Variants in FAAH2 observed in about 807,000 individuals in gnomAD.
FAAH2 encodes the protein fatty-acid amide hydrolase 2.
In FAAH2, 60 loss-of-function variants were observed where a neutral mutation model predicts 36.9. That is an observed-to-expected ratio of 1.63 (90% CI 1.32 to 2.02). The LOEUF is 2.02. Ranked by LOEUF, FAAH2 falls within the 30% of genes most tolerant of loss-of-function variation. FAAH2 has a pLI of 0.00. For synonymous variants in FAAH2, 214 were observed against 143.8 expected (o/e 1.49, Z -3.49); for missense variants, 689 against 397.5 (o/e 1.73, Z -6.23).
the FAAH2 span, among the ~76,000 whole-genome samples, chrX:57,167,930 C>A: frequency 9.0e-6 from 1 of 111,076 alleles, no homozygotes; most frequent in Non-Finnish European, 1.9e-5. Context: ...ATGTTCTGGG[C>A]AGACCTTTTC....
intron 7 of FAAH2, among the ~76,000 whole-genome samples, chrX:57,415,192 G>C (rs796730196): frequency 5.5e-5 from 6 of 109,347 alleles, no homozygotes; most frequent in African/African-American, 1.7e-4. Flanking sequence ...TCCTGGATTC[G>C]TTGATTTTTC....
rs1569283724 is a variant in FAAH2 at position 57,352,043 on chromosome X, TATATGTGTATATATATATATATAC to T, written c.742+10655_742+10678del. On this transcript the variant is annotated intron_variant, in intron 5 of 10. Transcript: ENST00000374900. ...GTGTATATATATATATATACATATATATATGTGTATATATATATATATACACATATATATATGTGTATATATATG... is the reference window on the plus strand; with the variant it reads ...GTGTATATATATATATATACATATATACATATATATATGTGTATATATATG... 8.4e-3 allele frequency among the ~76,000 whole-genome samples: 161 copies of T among 19,256 alleles called. 30 individuals carry two copies. Among genetic ancestry groups the T allele is most frequent in the African/African-American group, 0.011 (73 of 6,626 alleles). The allele number at this position is 19,256 out of a possible 115,157, so 16.7% of individuals were successfully genotyped here.
the FAAH2 span, among the ~76,000 whole-genome samples, chrX:57,244,215 G>T: frequency 0.071 from 7,720 of 109,382 alleles, 687 homozygotes; most frequent in African/African-American, 0.25. Flanking sequence ...AAAAAGAAAC[G>T]AACAAAGTTT....
At chrX:57,214,495 C>T in the FAAH2 span, among the ~76,000 whole-genome samples, 2 of 111,255 alleles carry the variant, frequency 1.8e-5, no homozygotes, top group Admixed American at 1.9e-4. Context: ...GGTGCGATCT[C>T]AGCTCACTGC....
chrX:57,267,465 T>C, the FAAH2 span, among the ~76,000 whole-genome samples: 1 of 112,585 alleles, frequency 8.9e-6, no homozygotes, highest in Non-Finnish European at 1.9e-5. Context: ...CTGGCCAGCA[T>C]TCCACCACAA....
chrX:57,433,271 G>A (rs1255373020), intron 8 of FAAH2, among the ~76,000 whole-genome samples: 2 of 110,299 alleles, frequency 1.8e-5, no homozygotes, highest in Non-Finnish European at 3.8e-5. Flanking sequence ...AAAGAGGGGG[G>A]AAAAATCTGC....
chrX:57,485,582 G>C (rs2057459679), intron 10 of FAAH2, among the ~76,000 whole-genome samples: 1 of 111,287 alleles, frequency 9.0e-6, no homozygotes, highest in Non-Finnish European at 1.9e-5. Flanking sequence ...CTTAAACATT[G>C]GTTATTTTGA....
At chrX:57,396,181 C>A (rs974498741) in intron 7 of FAAH2, among the ~76,000 whole-genome samples, 2 of 111,096 alleles carry the variant, frequency 1.8e-5, no homozygotes, top group African/African-American at 6.5e-5. Flanking sequence ...AATGTCAACA[C>A]TATCATTTCT....
chrX:57,364,477 A>T (rs1602412848), intron 5 of FAAH2, among the ~76,000 whole-genome samples: 2 of 82,775 alleles, frequency 2.4e-5, no homozygotes, highest in Non-Finnish European at 4.6e-5. Context: ...TAGATCCCCT[A>T]GTGTTTTGGT....
chrX:57,334,171 G>A (rs1398740373), intron 4 of FAAH2, among the ~76,000 whole-genome samples: 2 of 108,728 alleles, frequency 1.8e-5, no homozygotes, highest in African/African-American at 3.3e-5. Flanking sequence ...TCAGGAGTCT[G>A]GGGCAAGAGA....
chrX:57,152,718 C>T, the FAAH2 span, among the ~76,000 whole-genome samples: 11 of 111,967 alleles, frequency 9.8e-5, no homozygotes, highest in South Asian at 3.8e-4. Flanking sequence ...TTGTGCTTCC[C>T]GAGTGAGGCA....
chrX:57,172,636 A>G, the FAAH2 span, among the ~76,000 whole-genome samples: 13,724 of 111,642 alleles, frequency 0.12, 1,995 homozygotes, highest in African/African-American at 0.42. Context: ...TGGAGAATTA[A>G]TACAAGGTTT....
At chrX:57,231,034 AGTGT>A in the FAAH2 span, among the ~76,000 whole-genome samples, 388 of 94,439 alleles carry the variant, frequency 4.1e-3, no homozygotes, top group South Asian at 0.049. Context: ...CTCCAAAGGA[AGTGT>A]GTGTGTGTGT....
At chrX:57,386,433 G>A (rs2055025272) in intron 7 of FAAH2, among the ~76,000 whole-genome samples, 1 of 111,620 alleles carries the variant, frequency 9.0e-6, no homozygotes, top group Non-Finnish European at 1.9e-5. Flanking sequence ...TAGTGGCAAA[G>A]CAAATTGGTA....
At chrX:57,123,945 C>G in the FAAH2 span, among the ~76,000 whole-genome samples, 1 of 111,858 alleles carries the variant, frequency 8.9e-6, no homozygotes, top group Non-Finnish European at 1.9e-5. Flanking sequence ...TTCTCCCATT[C>G]TGTAGGTTGC....
chrX:57,365,200 C>A (rs1258164987), intron 5 of FAAH2, among the ~76,000 whole-genome samples: 1 of 111,863 alleles, frequency 8.9e-6, no homozygotes, highest in Non-Finnish European at 1.9e-5. Flanking sequence ...AGGTACTGGT[C>A]TTTCATTTCC....
chrX:57,429,285 G>A (rs1000893444), intron 7 of FAAH2, among the ~76,000 whole-genome samples: 13 of 104,129 alleles, frequency 1.2e-4, no homozygotes, highest in African/African-American at 4.2e-4. Flanking sequence ...CTTGCAGTGA[G>A]CCCAGATGAC....
chrX:57,228,433 G>A, the FAAH2 span, among the ~76,000 whole-genome samples: 2 of 111,549 alleles, frequency 1.8e-5, no homozygotes, highest in African/African-American at 6.5e-5. Flanking sequence ...CATTGGGGAT[G>A]TCTGTTTGGG....
chrX:57,335,232 G>T lies in FAAH2; in HGVS notation c.622+3425G>T, dbSNP rs772647248. Among the ~76,000 whole-genome samples, 8 of 111,598 alleles carry T rather than the reference G, an allele frequency of 7.2e-5. 1 individual carries two copies. In the South Asian group the frequency reaches 2.3e-3, roughly 32 times the overall value. On this transcript the variant is annotated intron_variant, in intron 4 of 10. Transcript: ENST00000374900. ...TAGGTGGAATGAGAGACTTGGAAAAGAAAGAAAGAGACACAGAGACAAAGT... is the reference window on the plus strand; with the variant it reads ...TAGGTGGAATGAGAGACTTGGAAAATAAAGAAAGAGACACAGAGACAAAGT...
Sources: gnomAD v4.1 joint callset for allele counts (sites outside exome capture counted in the v4.1 genomes callset) on GRCh38, gnomAD v4.1.1 for gene constraint, MANE v1.5 for transcripts, NCBI Gene and HGNC (gene_info 2026-07-23, HGNC 2026-07-21) for gene names.